GUCY1A2: variants seen among roughly 807,000 people sequenced by gnomAD.
GUCY1A2 encodes the protein guanylate cyclase soluble subunit alpha-2.
Under a neutral mutation model 63.5 loss-of-function variants are expected in GUCY1A2, and 27 were observed. The observed-to-expected ratio is 0.43, with a 90% CI of 0.31 to 0.59. The LOEUF (loss-of-function observed/expected upper bound fraction) is 0.59, where lower values mean the gene tolerates loss of function less well. GUCY1A2 is among the 20% of genes least tolerant of loss of function. The probability of loss-of-function intolerance (pLI) is 0.11; values close to 1 mark genes in which losing one functional copy is unlikely to be tolerated. For missense variants in GUCY1A2, 768 were observed against 913.3 expected, an observed-to-expected ratio of 0.84 and a Z score of 2.05; for synonymous variants, 364 against 343.5, an observed-to-expected ratio of 1.06 and a Z score of -0.66.
chr11:106,712,097 T>C (rs1863130530), intron 6 of GUCY1A2, among the ~76,000 whole-genome samples: 1 of 152,126 alleles, frequency 6.6e-6, no homozygotes, highest in Admixed American at 6.6e-5. Flanking sequence ...ATTTTCTATT[T>C]CTTTGAATAT....
intron 4 of GUCY1A2, among the ~76,000 whole-genome samples, chr11:106,844,987 G>C (rs1261498288): frequency 1.3e-5 from 2 of 151,622 alleles, no homozygotes; most frequent in Non-Finnish European, 3.0e-5. Context: ...GCAAATCCTT[G>C]CCATCAGTAG....
intron 6 of GUCY1A2, among the ~76,000 whole-genome samples, chr11:106,770,322 G>GA (rs1455726807): frequency 1.3e-5 from 2 of 151,942 alleles, no homozygotes; most frequent in African/African-American, 2.4e-5. Flanking sequence ...AGAATGACAA[G>GA]AAAAAAATGT....
chr11:106,831,701 G>A (rs185417013), intron 4 of GUCY1A2, among the ~76,000 whole-genome samples: 13 of 152,296 alleles, frequency 8.5e-5, no homozygotes, highest in South Asian at 2.1e-4. Flanking sequence ...AGTCTCTCTC[G>A]CAGCAGGGCT....
intron 4 of GUCY1A2, among the ~76,000 whole-genome samples, chr11:106,863,437 T>A (rs2135458945): frequency 1.3e-5 from 2 of 152,312 alleles, no homozygotes; most frequent in East Asian, 3.9e-4. Context: ...TTGTCAAAGA[T>A]CAGATGGTTG....
chr11:106,827,087 C>G, intron 4 of GUCY1A2: 2 of 1,499,686 alleles, frequency 1.3e-6, no homozygotes, highest in South Asian at 2.3e-5. Flanking sequence ...CTAAACTCAT[C>G]CTGAAGGTAG....
intron 1 of GUCY1A2, among the ~76,000 whole-genome samples, chr11:107,015,561 C>CAAAAAAAAAAA (rs568139219): frequency 3.6e-5 from 1 of 27,508 alleles, no homozygotes; most frequent in African/African-American, 1.1e-4. Context: ...TTCTCTTAGG[C>CAAAAAAAAAAA]AAAAAAAAAA....
chr11:106,958,160 C>T (rs56190931), intron 3 of GUCY1A2, among the ~76,000 whole-genome samples: 3,425 of 152,092 alleles, frequency 0.023, 78 homozygotes, highest in Admixed American at 0.061. Context: ...CTTATGATTA[C>T]GTATATATTT....
chr11:106,884,878 T>C lies in GUCY1A2; in HGVS notation c.1206+54582A>G, dbSNP rs116530787. On this transcript the variant is annotated intron_variant, in intron 4 of 7. Coordinates refer to ENST00000526355, the MANE Select transcript of GUCY1A2 (RefSeq NM_000855.3). ...AAATGAGAGTTTAAAATTTGAACAA[T>C]ATTGCTTGGGTTTCTAAGTAAAAAT... Among the ~76,000 whole-genome samples the C allele has an allele frequency of 7.2e-3, 1,091 of 152,228 alleles. 16 individuals carry two copies. Among genetic ancestry groups the C allele is most frequent in the African/African-American group, 0.025 (1,026 of 41,558 alleles).
chr11:106,783,804 C>A (rs967108776), intron 5 of GUCY1A2, among the ~76,000 whole-genome samples: 12 of 152,212 alleles, frequency 7.9e-5, no homozygotes, highest in African/African-American at 2.7e-4. Flanking sequence ...CTCAGCAAAT[C>A]TGCACCTTGG....
intron 4 of GUCY1A2, among the ~76,000 whole-genome samples, chr11:106,874,808 T>TA (rs921561730): frequency 5.3e-5 from 8 of 151,584 alleles, no homozygotes; most frequent in African/African-American, 9.7e-5. Flanking sequence ...TTTAATCTTT[T>TA]AAAAAAAAAC....
intron 3 of GUCY1A2, among the ~76,000 whole-genome samples, chr11:106,965,209 A>G (rs1861112429): frequency 6.6e-6 from 1 of 152,180 alleles, no homozygotes; most frequent in African/African-American, 2.4e-5. Context: ...TTAAAAAACT[A>G]TATTCAAATA....
chr11:106,905,348 A>C (rs1472724937), intron 4 of GUCY1A2, among the ~76,000 whole-genome samples: 1 of 152,118 alleles, frequency 6.6e-6, no homozygotes, highest in Non-Finnish European at 1.5e-5. Context: ...TAAACAACAG[A>C]AACTTATTTT....
rs751945022 is a variant in GUCY1A2 at position 106,685,259 on chromosome 11, C to T, written c.*2290G>A. 33 of 204,896 alleles carry T rather than the reference C, an allele frequency of 1.6e-4. No individual in the cohort carries two copies. The highest frequency in any genetic ancestry group is 3.0e-4 in the Non-Finnish European group (30 of 100,172). The allele number at this position is 204,896 out of a possible 1,614,324, so 12.7% of individuals were successfully genotyped here. ...CTAAGTAAAATCATATAAACTAATACAGAATTTGTGATTCTTCTGATAAAT... is the reference window on the plus strand; with the variant it reads ...CTAAGTAAAATCATATAAACTAATATAGAATTTGTGATTCTTCTGATAAAT... On this transcript the variant is annotated 3_prime_UTR_variant, in exon 8 of 8. Coordinates refer to ENST00000526355, the MANE Select transcript of GUCY1A2 (RefSeq NM_000855.3).
intron 5 of GUCY1A2, among the ~76,000 whole-genome samples, chr11:106,783,070 C>T (rs1364749875): frequency 6.6e-6 from 1 of 152,146 alleles, no homozygotes; most frequent in Non-Finnish European, 1.5e-5. Context: ...TGAACCCAGC[C>T]TTTCGTTGTT....
intron 3 of GUCY1A2, among the ~76,000 whole-genome samples, chr11:106,943,644 G>A (rs1860781985): frequency 6.6e-6 from 1 of 152,118 alleles, no homozygotes; most frequent in South Asian, 2.1e-4. Context: ...CCTGACACCT[G>A]GAGAATAAGC....
intron 6 of GUCY1A2, among the ~76,000 whole-genome samples, chr11:106,724,750 C>T (rs757593844): frequency 3.8e-4 from 58 of 152,210 alleles, no homozygotes; most frequent in Admixed American, 2.0e-3. Flanking sequence ...ATGAGGATAA[C>T]GAGATAACCT....
At chr11:106,900,331 A>G (rs1860113916) in intron 4 of GUCY1A2, among the ~76,000 whole-genome samples, 1 of 152,020 alleles carries the variant, frequency 6.6e-6, no homozygotes, top group South Asian at 2.1e-4. Flanking sequence ...CTACAGCTGC[A>G]AGCCCCCACA....
At chr11:107,003,046 G>GT (rs202233384) in intron 1 of GUCY1A2, among the ~76,000 whole-genome samples, 3,980 of 151,160 alleles carry the variant, frequency 0.026, 139 homozygotes, top group African/African-American at 0.083. Context: ...TCCATCTCCA[G>GT]TTTTTTTTTA....
At chr11:106,784,863 A>T (rs764502835) in intron 5 of GUCY1A2, among the ~76,000 whole-genome samples, 1 of 152,174 alleles carries the variant, frequency 6.6e-6, no homozygotes, top group Non-Finnish European at 1.5e-5. Context: ...TAATATCTAC[A>T]GAACTAAGGT....
Sources: gnomAD v4.1 joint callset for allele counts (sites outside exome capture counted in the v4.1 genomes callset) on GRCh38, gnomAD v4.1.1 for gene constraint, MANE v1.5 for transcripts, NCBI Gene and HGNC (gene_info 2026-07-23, HGNC 2026-07-21) for gene names.